Variants in F13A1 observed in about 807,000 individuals in gnomAD.
F13A1 encodes the protein coagulation factor XIII A chain, also known as FSF, A subunit.
A neutral mutation model predicts 80.1 loss-of-function variants in F13A1; 47 were observed. The observed-to-expected ratio is 0.59, with a 90% confidence interval of 0.46 to 0.75. The LOEUF (loss-of-function observed/expected upper bound fraction) is 0.75. F13A1 is among the 30% of genes least tolerant of loss of function. The probability of loss-of-function intolerance (pLI) is 0.00; values close to 1 mark genes in which losing one functional copy is unlikely to be tolerated. For synonymous variants in F13A1, 349 were observed against 344.9 expected (o/e 1.01, Z -0.13); for missense variants, 817 against 930.4 (o/e 0.88, Z 1.59).
At chr6:6,248,885 A>G (rs1048229629) in intron 5 of F13A1, among the ~76,000 whole-genome samples, 7 of 152,226 alleles carry the variant, frequency 4.6e-5, no homozygotes, top group African/African-American at 1.7e-4. Flanking sequence ...CACACTACTT[A>G]GTTTGCACCC....
chr6:6,157,455 C>T (rs563788624), intron 13 of F13A1, among the ~76,000 whole-genome samples: 29 of 151,288 alleles, frequency 1.9e-4, no homozygotes, highest in African/African-American at 5.8e-4. Context: ...GCTGGAATAG[C>T]TTCTTTATTT....
At chr6:6,183,531 G>A (rs930565456) in intron 10 of F13A1, among the ~76,000 whole-genome samples, 5 of 152,310 alleles carry the variant, frequency 3.3e-5, no homozygotes, top group South Asian at 2.1e-4. Context: ...GATTAAGGAG[G>A]TGGGACCTAA....
chr6:6,202,015 C>T (rs1441273354), intron 8 of F13A1, among the ~76,000 whole-genome samples: 1 of 151,908 alleles, frequency 6.6e-6, no homozygotes, highest in East Asian at 1.9e-4. Context: ...GATGATTTTA[C>T]ATATATATAT....
intron 2 of F13A1, among the ~76,000 whole-genome samples, chr6:6,313,852 T>C (rs1463494946): frequency 6.6e-6 from 1 of 152,200 alleles, no homozygotes; most frequent in Non-Finnish European, 1.5e-5. Context: ...GCTCAGGTGC[T>C]CAGAGGAAGC....
At chr6:6,305,934 G>A (rs1758506797) in intron 2 of F13A1, among the ~76,000 whole-genome samples, 1 of 152,174 alleles carries the variant, frequency 6.6e-6, no homozygotes, top group Non-Finnish European at 1.5e-5. Flanking sequence ...GACTAACCAG[G>A]CAGAAGCAGG....
chr6:6,189,454 A>G (rs1275001454), intron 10 of F13A1, among the ~76,000 whole-genome samples: 2 of 130,396 alleles, frequency 1.5e-5, no homozygotes, highest in Admixed American at 1.7e-4. Flanking sequence ...GCTTGTCTGT[A>G]AAGTATTTTA....
chr6:6,315,492 T>C (rs1354857538), intron 2 of F13A1, among the ~76,000 whole-genome samples: 1 of 152,032 alleles, frequency 6.6e-6, no homozygotes, highest in Non-Finnish European at 1.5e-5. Context: ...CTTACATGAG[T>C]TTATACATTT....
intron 6 of F13A1, among the ~76,000 whole-genome samples, chr6:6,227,386 G>C (rs1757291308): frequency 6.6e-6 from 1 of 152,204 alleles, no homozygotes; most frequent in Non-Finnish European, 1.5e-5. Context: ...GTCTCTAAAA[G>C]ACCTTGCTCA....
intron 12 of F13A1, among the ~76,000 whole-genome samples, chr6:6,171,516 T>C (rs1382443965): frequency 6.6e-6 from 1 of 152,176 alleles, no homozygotes. Context: ...CAGATCGGAC[T>C]GGTTCTCGCT....
intron 10 of F13A1, among the ~76,000 whole-genome samples, chr6:6,192,248 A>T (rs993351210): frequency 1.3e-5 from 2 of 152,170 alleles, no homozygotes; most frequent in African/African-American, 4.8e-5. Context: ...ACTCCACCAG[A>T]AGGGTTGGGG....
In F13A1 at chr6:6,231,729, T is replaced by C. The variant is rs1036238423; in HGVS notation, c.799-6869A>G. The stretch of plus-strand genomic sequence containing the variant: ...ACCTATCAGATGAACAGCAAATTTC[T>C]CAGCAGAAACCCTACAATCTAGAAG... On this transcript the variant is annotated intron_variant, in intron 6 of 14. Transcript: ENST00000264870. Among the ~76,000 whole-genome samples the C allele has an allele frequency of 3.3e-5, 5 of 152,220 alleles. No individual in the cohort carries two copies. The South Asian group carries it at 1.0e-3, about 31-fold the overall frequency.
chr6:6,313,080 C>G (rs1341351236), intron 2 of F13A1, among the ~76,000 whole-genome samples: 2 of 152,154 alleles, frequency 1.3e-5, no homozygotes, highest in Non-Finnish European at 2.9e-5. Flanking sequence ...GGAAATGTCC[C>G]TTGCCATGGA....
At chr6:6,265,720 A>G (rs1245335564) in intron 4 of F13A1, among the ~76,000 whole-genome samples, 5 of 152,250 alleles carry the variant, frequency 3.3e-5, no homozygotes, top group Non-Finnish European at 5.9e-5. Context: ...CACTATGCAC[A>G]TAAACAACTT....
At position 6,224,846 on chromosome 6, in the gene F13A1, A is replaced by C; in HGVS notation, c.813T>G (p.Asp271Glu). Reference protein sequence around the residue: ...RVGSAMVNAKDDEGVLVGSWD... With the variant: ...RVGSAMVNAKEDEGVLVGSWD... ...AGGATCCAACGAGGACACCTTCGTC[A>C]TCTTTGGCATTCACCTAAATGAGTC... Residue 271 changes from aspartate (D) to glutamate (E), a missense_variant, in exon 7 of 15, where the codon GAT becomes GAG. Asp to Glu is a conservative substitution (Grantham distance 45). Transcript: ENST00000264870. The C allele has an allele frequency of 6.2e-7, 1 of 1,614,082 alleles. No individual in the cohort carries two copies.
chr6:6,316,536 GATTTT>G (rs1281609274), intron 2 of F13A1, among the ~76,000 whole-genome samples: 4 of 152,076 alleles, frequency 2.6e-5, no homozygotes, highest in African/African-American at 9.7e-5. Context: ...AGTAATCCCA[GATTTT>G]ATTTTTCTTA....
At chr6:6,311,090 G>T (rs1472170433) in intron 2 of F13A1, among the ~76,000 whole-genome samples, 1 of 151,802 alleles carries the variant, frequency 6.6e-6, no homozygotes, top group African/African-American at 2.4e-5. Flanking sequence ...TCTTTATATA[G>T]GTGATTTTTT....
intron 3 of F13A1, among the ~76,000 whole-genome samples, chr6:6,296,162 T>C (rs1169671150): frequency 6.6e-6 from 1 of 151,774 alleles, no homozygotes; most frequent in East Asian, 1.9e-4. Flanking sequence ...TGTAGTATAG[T>C]TTGAAGTCAG....
At chr6:6,210,479 GGA>G (rs1761587205) in intron 8 of F13A1, among the ~76,000 whole-genome samples, 3 of 23,852 alleles carry the variant, frequency 1.3e-4, no homozygotes, top group Non-Finnish European at 2.2e-4. Flanking sequence ...AGAGTAGCTG[GGA>G]CTACAGGCAC....
intron 3 of F13A1, among the ~76,000 whole-genome samples, chr6:6,280,642 A>G (rs769253982): frequency 1.3e-5 from 2 of 152,216 alleles, no homozygotes; most frequent in Non-Finnish European, 2.9e-5. Context: ...AGGGATGTAA[A>G]GAAACCGTAT....
Sources: allele counts gnomAD v4.1 joint callset (sites outside exome capture counted in the v4.1 genomes callset), GRCh38; gene constraint gnomAD v4.1.1; transcripts MANE v1.5; gene names NCBI Gene and HGNC (gene_info 2026-07-23, HGNC 2026-07-21).